SPATA31H1: variants seen among roughly 807,000 people sequenced by gnomAD.
The protein encoded by SPATA31H1 is spermatogenesis-associated protein 31H1.
At chr2:27,572,215 A>G in the SPATA31H1 span, 7 of 398,400 alleles carry the variant, frequency 1.8e-5, no homozygotes, top group East Asian at 2.1e-4. Flanking sequence ...AAATCTCCCA[A>G]GTTGACCCCA....
At chr2:27,537,601 C>T in the SPATA31H1 span, 4 of 713,498 alleles carry the variant, frequency 5.6e-6, no homozygotes, top group African/African-American at 7.0e-5. Flanking sequence ...TTGAAACTAA[C>T]TGGTCCCGCT....
At chr2:27,578,639 GA>G in the SPATA31H1 span, 1 of 1,614,154 alleles carries the variant, frequency 6.2e-7, no homozygotes, top group Non-Finnish European at 8.5e-7. Flanking sequence ...AATCTACAGT[GA>G]TAAAAACAGA....
the SPATA31H1 span, chr2:27,569,159 T>C: frequency 5.0e-6 from 2 of 398,754 alleles, no homozygotes; most frequent in East Asian, 7.1e-5. Flanking sequence ...TGGGGGAAAC[T>C]CCAGTATCAC....
the SPATA31H1 span, chr2:27,574,439 G>C: frequency 2.5e-6 from 1 of 398,366 alleles, no homozygotes; most frequent in Non-Finnish European, 4.4e-6. Flanking sequence ...CTGTAGAGCT[G>C]GAATCAGGCC....
chr2:27,555,718 T>C, the SPATA31H1 span, among the ~76,000 whole-genome samples: 1 of 151,988 alleles, frequency 6.6e-6, no homozygotes, highest in Non-Finnish European at 1.5e-5. Context: ...CTTAGTCTCT[T>C]TTAGCACATT....
the SPATA31H1 span, among the ~76,000 whole-genome samples, chr2:27,563,411 T>TG: frequency 8.1e-6 from 1 of 123,392 alleles, no homozygotes; most frequent in East Asian, 2.8e-4. Context: ...TTTTTTTTTT[T>TG]GAGACAGGGT....
the SPATA31H1 span, chr2:27,577,792 G>C: frequency 9.7e-5 from 156 of 1,614,132 alleles, no homozygotes; most frequent in African/African-American, 5.6e-4. This position sits in a 1 kb window ranked among gnomAD's most constrained non-coding sequence, Gnocchi z 4.5. Context: ...AATCTGACCT[G>C]TAAGCAATGG....
At chr2:27,567,308 T>C in the SPATA31H1 span, 1 of 558,492 alleles carries the variant, frequency 1.8e-6, no homozygotes, top group Admixed American at 3.2e-5. Context: ...AGAAGGTTTT[T>C]GCTTTGCGGC....
At chr2:27,541,529 C>A in the SPATA31H1 span, among the ~76,000 whole-genome samples, 4 of 151,892 alleles carry the variant, frequency 2.6e-5, no homozygotes, top group Non-Finnish European at 4.4e-5. Flanking sequence ...GTAAGTGCTC[C>A]GTAGTTGTTT....
the SPATA31H1 span, among the ~76,000 whole-genome samples, chr2:27,547,736 C>G: frequency 6.6e-6 from 1 of 151,472 alleles, no homozygotes; most frequent in East Asian, 1.9e-4. Context: ...TTTTTTGAAG[C>G]TATAGTAATA....
the SPATA31H1 span, chr2:27,573,002 G>A: frequency 2.8e-5 from 11 of 398,056 alleles, no homozygotes; most frequent in African/African-American, 6.2e-5. Flanking sequence ...TTGGAAATGC[G>A]AAATCTGTGC....
At chr2:27,564,889 G>T in the SPATA31H1 span, among the ~76,000 whole-genome samples, 1 of 152,086 alleles carries the variant, frequency 6.6e-6, no homozygotes, top group Non-Finnish European at 1.5e-5. Context: ...AAAAATCCCA[G>T]AAGTTTTCCA....
At chr2:27,565,543 G>T in the SPATA31H1 span, 2 of 649,800 alleles carry the variant, frequency 3.1e-6, no homozygotes, top group Admixed American at 2.6e-5. Flanking sequence ...CATGTCTAAA[G>T]ATATGTATGT....
At chr2:27,555,843 T>C in the SPATA31H1 span, among the ~76,000 whole-genome samples, 2 of 151,590 alleles carry the variant, frequency 1.3e-5, no homozygotes, top group Non-Finnish European at 2.9e-5. Context: ...TTAAGACCCA[T>C]TGTGTTAGGG....
the SPATA31H1 span, chr2:27,579,085 T>C: frequency 6.2e-7 from 1 of 1,614,120 alleles, no homozygotes. Context: ...GAGAACTCAC[T>C]TCAGAGACAT....
chr2:27,552,533 CTT>C, the SPATA31H1 span, among the ~76,000 whole-genome samples: 6 of 151,946 alleles, frequency 3.9e-5, no homozygotes, highest in Non-Finnish European at 5.9e-5. Context: ...AGTCCTCCAA[CTT>C]TGTTCTTTTT....
At chr2:27,540,401 C>G in the SPATA31H1 span, among the ~76,000 whole-genome samples, 1 of 106,398 alleles carries the variant, frequency 9.4e-6, no homozygotes, top group Non-Finnish European at 2.0e-5. Context: ...GGGGGGCTGA[C>G]CCCCCCACCT....
chr2:27,576,387 C>A, the SPATA31H1 span: 1 of 561,230 alleles, frequency 1.8e-6, no homozygotes, highest in Non-Finnish European at 3.2e-6. Flanking sequence ...ACACCTCAGG[C>A]AGCATAATGT....
chr2:27,579,420 A>G, the SPATA31H1 span: 1 of 1,614,154 alleles, frequency 6.2e-7, no homozygotes, highest in Middle Eastern at 1.6e-4. Context: ...TCCAGTTACT[A>G]TTTCTCAGCC....
Sources: gnomAD v4.1 joint callset for allele counts (sites outside exome capture counted in the v4.1 genomes callset) on GRCh38, gnomAD v4.1.1 for gene constraint, Gnocchi (gnomAD v3.1) non-coding constraint, MANE v1.5 for transcripts, NCBI Gene and HGNC (gene_info 2026-07-23, HGNC 2026-07-21) for gene names.